The following PRSS54 variants were observed in gnomAD, a reference collection of about 807,000 sequenced individuals.
PRSS54 encodes inactive serine protease 54.
Under a neutral mutation model 19.9 loss-of-function variants are expected in PRSS54, and 16 were observed. That is an observed-to-expected ratio of 0.80 (90% CI 0.54 to 1.22). The LOEUF (loss-of-function observed/expected upper bound fraction) is 1.22, where lower values mean the gene tolerates loss of function less well. PRSS54 is among the 50% of genes most tolerant of loss of function. The pLI is 0.00. For synonymous variants in PRSS54, 177 were observed against 195.8 expected, an observed-to-expected ratio of 0.90 and a Z score of 0.80; for missense variants, 444 against 494.8, an observed-to-expected ratio of 0.90 and a Z score of 0.97.
intron 5 of PRSS54, chr16:58,285,415 C>CT: frequency 6.1e-6 from 1 of 165,024 alleles, no homozygotes; most frequent in Non-Finnish European, 1.3e-5. Flanking sequence ...TGGTGTAGGG[C>CT]TAGAGGGTAA....
rs758353580 is a variant in PRSS54, at chr16:58,291,095, G to A, written c.127C>T (p.Pro43Ser). Residue 43 changes from proline (P) to serine (S), a missense_variant, in exon 4 of 7, where the codon CCC becomes TCC. Physicochemically the swap from Pro to Ser is moderately conservative, Grantham distance 74. Coordinates refer to ENST00000567164, the MANE Select transcript of PRSS54 (RefSeq NM_001305173.2). Reference protein sequence around the residue: ...QKASVFYGPDPKEGLVSSMEF... With the variant: ...QKASVFYGPDSKEGLVSSMEF... The stretch of plus-strand genomic sequence containing the variant: ...ATGCTGCTGACCAAGCCCTCCTTGG[G>A]GTCAGGACCGTAGAAAACGGAAGCT... 5 of 1,614,154 alleles carry A rather than the reference G, an allele frequency of 3.1e-6. No homozygotes were observed. The highest frequency in any genetic ancestry group is 2.2e-5 in the East Asian group (1 of 44,874).
At position 58,291,071 on chromosome 16, in the gene PRSS54, T is replaced by C; in HGVS notation, c.151A>G (p.Met51Val). ...AGCGACACCACCCACGGGAACTCCA[T>C]GCTGCTGACCAAGCCCTCCTTGGGG... ...PDPKEGLVSS[M>V]EFPWVVSLQD... Residue 51 changes from methionine (M) to valine (V), a missense_variant, in exon 4 of 7, where the codon ATG becomes GTG. Physicochemically the swap from Met to Val is conservative, Grantham distance 21. Transcript: ENST00000567164. The C allele has an allele frequency of 6.2e-7, 1 of 1,614,188 alleles. No individual in the cohort carries two copies. Among genetic ancestry groups the C allele is most frequent in the Non-Finnish European group, 8.5e-7 (1 of 1,180,042 alleles).
intron 3 of PRSS54, among the ~76,000 whole-genome samples, chr16:58,292,230 G>A (rs1261971132): frequency 6.6e-6 from 1 of 152,120 alleles, no homozygotes; most frequent in Non-Finnish European, 1.5e-5. Context: ...CACCCTACCG[G>A]TGACTCCTTT....
rs774866269 is a variant in PRSS54 at position 58,280,174 on chromosome 16, G to A, written c.*50C>T. On this transcript the variant is annotated 3_prime_UTR_variant, in exon 7 of 7. Transcript: ENST00000567164. ...ATCAAAACAGCATGGTGAATGCCTG[G>A]CACTCAGCATTCTCAGTTTACTCTT... 1 of 1,536,058 alleles carries A rather than the reference G, an allele frequency of 6.5e-7. No homozygotes were observed. The highest frequency in any genetic ancestry group is 8.8e-7 in the Non-Finnish European group (1 of 1,131,694).
At position 58,285,983 on chromosome 16, in the gene PRSS54, GGT is replaced by G. The variant is rs770412762; in HGVS notation, c.474_475del (p.Pro159SerfsTer34). On this transcript the variant is annotated frameshift_variant, in exon 5 of 7. Transcript: ENST00000567164. ...TGACACCCAGCAGTTCTGCAAGACTGGTGGTGTATGCAGCATTCTGCCGAGGA... is the reference window on the plus strand; with the variant it reads ...TGACACCCAGCAGTTCTGCAAGACTGGGTGTATGCAGCATTCTGCCGAGGA... The G allele has an allele frequency of 1.2e-6, 2 of 1,614,090 alleles. No individual in the cohort carries two copies. Among genetic ancestry groups the G allele is most frequent in the Non-Finnish European group, 1.7e-6 (2 of 1,180,048 alleles).
At chr16:58,288,267 A>C (rs1045219661) in intron 4 of PRSS54, among the ~76,000 whole-genome samples, 1 of 152,150 alleles carries the variant, frequency 6.6e-6, no homozygotes, top group African/African-American at 2.4e-5. Context: ...CTCTACTAAA[A>C]ATACAAAAAT....
Position 58,280,519 on chromosome 16 carries a change from T to A in PRSS54, c.893A>T (p.Gln298Leu). The change falls in exon 7 of 7, where the codon CAG becomes CTG. Residue 298 changes from glutamine to leucine, a missense_variant. Physicochemically the swap from Gln to Leu is moderately radical, Grantham distance 113. Transcript: ENST00000567164. ...SHHGPNATMTQKTYSDSELGH... is the reference protein window; with the variant it reads ...SHHGPNATMTLKTYSDSELGH... The stretch of plus-strand genomic sequence containing the variant: ...CAGTTCAGAATCAGAATATGTCTTC[T>A]GTGTCATGGTGGCATTTGGTCCATG... The A allele has an allele frequency of 6.2e-7, 1 of 1,614,182 alleles. No homozygotes were observed. The highest frequency in any genetic ancestry group is 8.5e-7 in the Non-Finnish European group (1 of 1,180,020).
chr16:58,288,852 C>T (rs1471538065), intron 4 of PRSS54, among the ~76,000 whole-genome samples: 1 of 151,846 alleles, frequency 6.6e-6, no homozygotes, highest in Non-Finnish European at 1.5e-5. Context: ...AAAAGGTCTC[C>T]AAAATTTATG....
In PRSS54 at chr16:58,284,368, G is replaced by A. The variant is rs1964859238; in HGVS notation, c.654+222C>T. ...TAAAAAGCACCTGTGACTTAGACAA[G>A]CTTCATCATGTTACACTGAAAATCG... On this transcript the variant is annotated intron_variant, in intron 6 of 6. Coordinates refer to ENST00000567164, the MANE Select transcript of PRSS54 (RefSeq NM_001305173.2). 4 of 487,780 alleles carry A rather than the reference G, an allele frequency of 8.2e-6. No individual in the cohort carries two copies. In the East Asian group the frequency reaches 1.1e-4, roughly 13 times the overall value. The allele number at this position is 487,780 out of a possible 1,614,324, so 30.2% of individuals were successfully genotyped here.
At chr16:58,284,868 A>T in intron 5 of PRSS54, 147 bp from the exon 6 acceptor site, 1 of 820,078 alleles carries the variant, frequency 1.2e-6, no homozygotes, top group Non-Finnish European at 1.9e-6. Context: ...AGGCTGGAGT[A>T]CAGTGGTGTG....
rs1372544516 is a variant in PRSS54, at chr16:58,294,992, C to T, written c.-337G>A. The T allele has an allele frequency of 6.5e-6, 1 of 152,728 alleles. No individual in the cohort carries two copies. The highest frequency in any genetic ancestry group is 1.5e-5 in the Non-Finnish European group (1 of 68,104). The allele number at this position is 152,728 out of a possible 1,614,324, so 9.5% of individuals were successfully genotyped here. A position where few individuals can be genotyped will look rare whatever the true frequency, so the allele number is the denominator to read the frequency against. ...GAGAAATGAACTCAGGCTGGCCTGA[C>T]ACAGTAGAGTTCAACAGAAGGATTT... On this transcript the variant is annotated 5_prime_UTR_variant, in exon 1 of 7. Transcript: ENST00000567164.
At position 58,286,068 on chromosome 16, in the gene PRSS54, C is replaced by T; in HGVS notation, c.391G>A (p.Ala131Thr). Residue 131 changes from alanine (A) to threonine (T), a missense_variant, in exon 5 of 7, where the codon GCC becomes ACC. Coordinates refer to ENST00000567164, the MANE Select transcript of PRSS54 (RefSeq NM_001305173.2). Reference protein sequence around the residue: ...FDNNSMSNNIALLKTDTAMHF... With the variant: ...FDNNSMSNNITLLKTDTAMHF... ...ATCGCTGTGTCTGTCTTCAGGAGGG[C>T]TATGTTGTTGCTCATGGAGTTGTTA... 6.2e-7 allele frequency: 1 copy of T among 1,614,194 alleles called. No homozygotes were observed. Among genetic ancestry groups the T allele is most frequent in the Non-Finnish European group, 8.5e-7 (1 of 1,180,032 alleles).
At chr16:58,285,579 T>A (rs1482516249) in intron 5 of PRSS54, among the ~76,000 whole-genome samples, 1 of 151,866 alleles carries the variant, frequency 6.6e-6, no homozygotes, top group Non-Finnish European at 1.5e-5. Context: ...TCCACAAAAA[T>A]AAATTTAAAA....
At chr16:58,289,191 G>A (rs76912933) in intron 4 of PRSS54, among the ~76,000 whole-genome samples, 15,660 of 152,194 alleles carry the variant, frequency 0.1, 883 homozygotes, top group Admixed American at 0.13. Flanking sequence ...CACAGTGAGA[G>A]GGTGGCCATC....
intron 4 of PRSS54, among the ~76,000 whole-genome samples, chr16:58,289,403 C>T (rs1197783923): frequency 6.6e-6 from 1 of 152,044 alleles, no homozygotes; most frequent in Non-Finnish European, 1.5e-5. Context: ...ATAGCCAGAC[C>T]TATAGGTATA....
intron 5 of PRSS54, 81 bp downstream of exon 5, chr16:58,285,856 A>G: frequency 1.3e-6 from 2 of 1,511,008 alleles, no homozygotes; most frequent in South Asian, 1.2e-5. Flanking sequence ...TTAAATTAAG[A>G]TAGGCCCTAG....
chr16:58,290,918 C>A, intron 4 of PRSS54, 41 bp downstream of exon 4: 1 of 1,605,996 alleles, frequency 6.2e-7, no homozygotes. Flanking sequence ...CCCACCCTCA[C>A]CCCCGGCGAT....
At chr16:58,283,294 G>A (rs1435240639) in intron 6 of PRSS54, 1 of 152,164 alleles carries the variant, frequency 6.6e-6, no homozygotes, top group South Asian at 2.1e-4. Flanking sequence ...GATTCTATGG[G>A]GACGGGTCAC....
At chr16:58,284,808 A>G in intron 5 of PRSS54, 87 bp from the exon 6 acceptor site, 1 of 1,459,702 alleles carries the variant, frequency 6.9e-7, no homozygotes, top group Non-Finnish European at 9.3e-7. Flanking sequence ...TAGCCAAACG[A>G]GAGTGAGAAT....
Sources: gnomAD v4.1 joint callset for allele counts (sites outside exome capture counted in the v4.1 genomes callset) on GRCh38, gnomAD v4.1.1 for gene constraint, MANE v1.5 for transcripts, NCBI Gene and HGNC (gene_info 2026-07-23, HGNC 2026-07-21) for gene names.